Variants in CDH12 observed in about 807,000 individuals in gnomAD.
CDH12 encodes the protein cadherin-12.
A neutral mutation model predicts 74.1 loss-of-function variants in CDH12; 41 were observed. That is an observed-to-expected ratio of 0.55 (90% CI 0.43 to 0.72). The LOEUF (loss-of-function observed/expected upper bound fraction) is 0.72. Ranked by LOEUF, CDH12 falls within the 30% of genes least tolerant of loss-of-function variation. CDH12 has a pLI of 0.00. For missense variants in CDH12, 945 were observed against 977.2 expected (o/e 0.97, Z 0.44); for synonymous variants, 399 against 355.0 (o/e 1.12, Z -1.39).
At chr5:21,788,095 A>G (rs1746293206) in intron 10 of CDH12, among the ~76,000 whole-genome samples, 1 of 152,194 alleles carries the variant, frequency 6.6e-6, no homozygotes, top group African/African-American at 2.4e-5. Flanking sequence ...ACATATAAAA[A>G]TAAGTAAAGT....
At chr5:22,713,972 G>C (rs2126978743) in intron 1 of CDH12, among the ~76,000 whole-genome samples, 1 of 152,184 alleles carries the variant, frequency 6.6e-6, no homozygotes, top group Non-Finnish European at 1.5e-5. Flanking sequence ...TCAATGTTAA[G>C]GCCAAATTAC....
chr5:22,724,792 T>A (rs2126995020), intron 1 of CDH12, among the ~76,000 whole-genome samples: 1 of 152,044 alleles, frequency 6.6e-6, no homozygotes, highest in African/African-American at 2.4e-5. Flanking sequence ...ATTTTTAGAT[T>A]GTTTCCACTT....
At position 22,690,122 on chromosome 5, in the gene CDH12, C is replaced by T. The variant is rs75955280; in HGVS notation, c.-523+162936G>A. On this transcript the variant is annotated intron_variant, in intron 1 of 14. Coordinates refer to ENST00000382254, the MANE Select transcript of CDH12 (RefSeq NM_004061.5). ...TTCCTTGTTTCAGTAAGAAGGCACT[C>T]ACAAACAGAAATATGAAGAATTACC... Among the ~76,000 whole-genome samples, 1,085 of 152,096 alleles carry T rather than the reference C, an allele frequency of 7.1e-3. 10 individuals are homozygous for T. Among genetic ancestry groups the T allele is most frequent in the Non-Finnish European group, 8.9e-3 (603 of 67,950 alleles).
Position 22,216,358 on chromosome 5 carries a change from G to A in CDH12, c.-332-3715C>T, listed in dbSNP as rs560015895. Among the ~76,000 whole-genome samples, 11 of 151,702 alleles carry A rather than the reference G, an allele frequency of 7.3e-5. 1 individual carries two copies. Among genetic ancestry groups the A allele is most frequent in the Non-Finnish European group, 1.3e-4 (9 of 67,782 alleles). On this transcript the variant is annotated intron_variant, in intron 3 of 14. Transcript: ENST00000382254. ...GATCTTGGCTATTATTATTTAAATT[G>A]GGGATATATGAAGATATTTCCCAAA...
chr5:22,593,601 T>A (rs533205402), intron 1 of CDH12, among the ~76,000 whole-genome samples: 3 of 152,218 alleles, frequency 2.0e-5, no homozygotes, highest in Non-Finnish European at 2.9e-5. Flanking sequence ...TATCTCTTTT[T>A]GTAACATTTA....
At chr5:21,989,694 T>G (rs557851141) in intron 5 of CDH12, among the ~76,000 whole-genome samples, 16 of 152,284 alleles carry the variant, frequency 1.1e-4, no homozygotes, top group Admixed American at 9.2e-4. Flanking sequence ...TGCTAAAACT[T>G]TAACACATTA....
rs1039999691 is a variant in CDH12 at position 22,493,859 on chromosome 5, A to T, written c.-428+11411T>A. ...GCCTGCAATGTAATGTTAGATACAG[A>T]TAACTAAACAGACAATAAACAATGT... On this transcript the variant is annotated intron_variant, in intron 2 of 14. Coordinates refer to ENST00000382254, the MANE Select transcript of CDH12 (RefSeq NM_004061.5). 6.6e-5 allele frequency among the ~76,000 whole-genome samples: 10 copies of T among 152,326 alleles called. No individual in the cohort carries two copies. In the East Asian group the frequency reaches 1.7e-3, roughly 27 times the overall value.
intron 1 of CDH12, among the ~76,000 whole-genome samples, chr5:22,687,321 A>C (rs1580888060): frequency 6.6e-6 from 1 of 152,278 alleles, no homozygotes; most frequent in East Asian, 1.9e-4. Flanking sequence ...AAAAAAATGA[A>C]AAATGATAAA....
intron 3 of CDH12, among the ~76,000 whole-genome samples, chr5:22,232,212 AC>A (rs1164191358): frequency 6.6e-6 from 1 of 151,838 alleles, no homozygotes; most frequent in Non-Finnish European, 1.5e-5. Flanking sequence ...ATATATAAAA[AC>A]AATTTTCTTG....
At chr5:22,089,694 T>C (rs867092065) in intron 4 of CDH12, among the ~76,000 whole-genome samples, 4 of 152,034 alleles carry the variant, frequency 2.6e-5, no homozygotes, top group Admixed American at 6.6e-5. Context: ...TAAGATATAA[T>C]TACATTAAAA....
At chr5:22,218,257 G>GA (rs904046480) in intron 3 of CDH12, among the ~76,000 whole-genome samples, 5 of 150,588 alleles carry the variant, frequency 3.3e-5, no homozygotes, top group African/African-American at 1.2e-4. Flanking sequence ...TCACTCCAAA[G>GA]AAAAAAAAGC....
chr5:22,235,789 C>T (rs565600809), intron 3 of CDH12, among the ~76,000 whole-genome samples: 1 of 152,174 alleles, frequency 6.6e-6, no homozygotes, highest in South Asian at 2.1e-4. Context: ...TACAGTCCTG[C>T]CTCACTTAAC....
At chr5:22,528,208 T>G (rs997500823) in intron 1 of CDH12, among the ~76,000 whole-genome samples, 1 of 152,134 alleles carries the variant, frequency 6.6e-6, no homozygotes, top group Admixed American at 6.6e-5. Flanking sequence ...GGGAAGCTAT[T>G]ATAGTTTCCT....
chr5:22,584,109 T>TATTTATTA (rs1740249170), intron 1 of CDH12, among the ~76,000 whole-genome samples: 1 of 134,662 alleles, frequency 7.4e-6, no homozygotes, highest in African/African-American at 2.8e-5. Flanking sequence ...TTTATTTATT[T>TATTTATTA]ATTATTTTTG....
intron 4 of CDH12, among the ~76,000 whole-genome samples, chr5:22,204,178 T>G (rs1317105876): frequency 6.8e-6 from 1 of 147,210 alleles, no homozygotes; most frequent in Non-Finnish European, 1.5e-5. Context: ...TTTTTTTTGT[T>G]TTTTGTTTTT....
intron 1 of CDH12, among the ~76,000 whole-genome samples, chr5:22,826,465 A>G (rs1736327094): frequency 6.6e-6 from 1 of 152,222 alleles, no homozygotes; most frequent in Non-Finnish European, 1.5e-5. Context: ...AAGGTACACA[A>G]AAATGTGGAA....
At chr5:22,399,292 G>T (rs1247165130) in intron 3 of CDH12, among the ~76,000 whole-genome samples, 3 of 151,988 alleles carry the variant, frequency 2.0e-5, no homozygotes, top group Non-Finnish European at 4.4e-5. Context: ...CCTAAGAGAT[G>T]TATATGTGGC....
intron 2 of CDH12, among the ~76,000 whole-genome samples, chr5:22,426,546 CA>C (rs1431735189): frequency 1.3e-5 from 2 of 151,656 alleles, no homozygotes; most frequent in African/African-American, 4.8e-5. Context: ...TAGTTGCCTT[CA>C]AAAAAGGTAA....
At chr5:22,037,916 CAAG>C (rs1285559705) in intron 5 of CDH12, among the ~76,000 whole-genome samples, 5 of 152,104 alleles carry the variant, frequency 3.3e-5, no homozygotes, top group African/African-American at 9.7e-5. Flanking sequence ...AGCTCAAAAC[CAAG>C]AAGAACTCCT....
Sources: allele counts gnomAD v4.1 joint callset (sites outside exome capture counted in the v4.1 genomes callset), GRCh38; gene constraint gnomAD v4.1.1; transcripts MANE v1.5; gene names NCBI Gene and HGNC (gene_info 2026-07-23, HGNC 2026-07-21).